The following CTNNA3 variants were observed in gnomAD, a reference collection of about 807,000 sequenced individuals.
The protein encoded by CTNNA3 is catenin alpha 3.
A neutral mutation model predicts 95.7 loss-of-function variants in CTNNA3; 76 were observed. That is an observed-to-expected ratio of 0.79 (90% confidence interval 0.66 to 0.96). The LOEUF is 0.96. CTNNA3 is among the 40% of genes least tolerant of loss of function. CTNNA3 has a pLI of 0.00. For synonymous variants in CTNNA3, 431 were observed against 374.4 expected, an observed-to-expected ratio of 1.15 and a Z score of -1.74; for missense variants, 1,191 against 1,089.8, an observed-to-expected ratio of 1.09 and a Z score of -1.31.
At chr10:66,089,893 G>A (rs767155978) in intron 14 of CTNNA3, among the ~76,000 whole-genome samples, 4 of 151,780 alleles carry the variant, frequency 2.6e-5, no homozygotes, top group Non-Finnish European at 4.4e-5. Flanking sequence ...AAAACCAAGC[G>A]AGTTCTGCAT....
chr10:66,074,612 G>A (rs1405607020), intron 14 of CTNNA3, among the ~76,000 whole-genome samples: 1 of 151,760 alleles, frequency 6.6e-6, no homozygotes, highest in African/African-American at 2.4e-5. Context: ...TATAGTATAT[G>A]CCCCTTTCTC....
chr10:66,822,784 A>C (rs1172378665), intron 7 of CTNNA3, among the ~76,000 whole-genome samples: 2 of 152,214 alleles, frequency 1.3e-5, no homozygotes, highest in African/African-American at 2.4e-5. Flanking sequence ...TCCCTCTGCT[A>C]GTAAGACCTG....
chr10:66,260,902 G>A (rs775546970), intron 13 of CTNNA3, among the ~76,000 whole-genome samples: 13 of 152,152 alleles, frequency 8.5e-5, no homozygotes, highest in African/African-American at 2.4e-4. Flanking sequence ...TAGGCAGTAC[G>A]TGGTGCACAA....
chr10:67,019,050 T>C (rs1852830424), intron 7 of CTNNA3, among the ~76,000 whole-genome samples: 1 of 152,204 alleles, frequency 6.6e-6, no homozygotes, highest in South Asian at 2.1e-4. Flanking sequence ...ACATATCTAA[T>C]GAATACAGTG....
At chr10:66,632,873 T>C (rs982799651) in intron 9 of CTNNA3, among the ~76,000 whole-genome samples, 1 of 152,006 alleles carries the variant, frequency 6.6e-6, no homozygotes, top group Non-Finnish European at 1.5e-5. Context: ...AAAAAGGCCA[T>C]TAAAAATGGA....
intron 14 of CTNNA3, among the ~76,000 whole-genome samples, chr10:66,089,529 T>C (rs1228911672): frequency 6.6e-6 from 1 of 151,898 alleles, no homozygotes; most frequent in African/African-American, 2.4e-5. Flanking sequence ...CTACTCTGGT[T>C]CGCCTTTACC....
At chr10:66,031,186 C>A (rs1425037004) in intron 15 of CTNNA3, among the ~76,000 whole-genome samples, 2 of 152,122 alleles carry the variant, frequency 1.3e-5, no homozygotes, top group African/African-American at 2.4e-5. Context: ...TATAATTTGA[C>A]CCAGCAATCC....
chr10:67,370,686 A>G, intron 5 of CTNNA3, among the ~76,000 whole-genome samples: 1 of 152,112 alleles, frequency 6.6e-6, no homozygotes, highest in Non-Finnish European at 1.5e-5. Context: ...ACTATTTGGT[A>G]TATTTGCTCT....
intron 7 of CTNNA3, among the ~76,000 whole-genome samples, chr10:66,790,836 T>TC: frequency 6.6e-6 from 1 of 152,270 alleles, no homozygotes; most frequent in Admixed American, 6.5e-5. Flanking sequence ...AAAACGTGGA[T>TC]CCCCTCACTG....
At chr10:66,550,310 T>C (rs1842176149) in intron 10 of CTNNA3, among the ~76,000 whole-genome samples, 1 of 152,170 alleles carries the variant, frequency 6.6e-6, no homozygotes, top group Non-Finnish European at 1.5e-5. Flanking sequence ...CTTCAGTCTG[T>C]CTTTATAGAT....
intron 16 of CTNNA3, among the ~76,000 whole-genome samples, chr10:65,968,493 C>G (rs1205575832): frequency 1.3e-5 from 2 of 152,210 alleles, no homozygotes; most frequent in African/African-American, 4.8e-5. Flanking sequence ...GCTCCATACC[C>G]AGGCAGATCT....
chr10:66,692,243 A>G (rs1204150755), intron 9 of CTNNA3, among the ~76,000 whole-genome samples: 3 of 152,208 alleles, frequency 2.0e-5, no homozygotes, highest in African/African-American at 7.2e-5. Context: ...TATAACCACA[A>G]GAACCAATAA....
At chr10:66,631,912 T>A (rs1249555241) in intron 9 of CTNNA3, among the ~76,000 whole-genome samples, 1 of 151,930 alleles carries the variant, frequency 6.6e-6, no homozygotes, top group Non-Finnish European at 1.5e-5. Flanking sequence ...GAATGTGAGA[T>A]GAATAATATA....
At chr10:66,106,135 C>T (rs549127749) in intron 13 of CTNNA3, among the ~76,000 whole-genome samples, 12 of 149,880 alleles carry the variant, frequency 8.0e-5, no homozygotes, top group Admixed American at 7.4e-4. Context: ...TGAATCCAGG[C>T]GGCGGAGGTT....
At chr10:66,434,050 G>A (rs557449321) in intron 11 of CTNNA3, among the ~76,000 whole-genome samples, 1 of 152,262 alleles carries the variant, frequency 6.6e-6, no homozygotes, top group South Asian at 2.1e-4. Context: ...CTGCAGCCTT[G>A]TAGTGTAGTT....
intron 9 of CTNNA3, among the ~76,000 whole-genome samples, chr10:66,629,804 G>A (rs746060470): frequency 2.6e-5 from 4 of 151,966 alleles, no homozygotes; most frequent in Non-Finnish European, 5.9e-5. Context: ...TTCTCTGTTG[G>A]CTGGAATGCT....
intron 5 of CTNNA3, among the ~76,000 whole-genome samples, chr10:67,320,090 C>G (rs998856415): frequency 3.3e-5 from 5 of 151,988 alleles, no homozygotes; most frequent in African/African-American, 1.2e-4. Flanking sequence ...TACACATGAG[C>G]CCTTGATGGA....
intron 7 of CTNNA3, among the ~76,000 whole-genome samples, chr10:66,970,162 G>C (rs888392779): frequency 2.6e-5 from 4 of 152,106 alleles, no homozygotes; most frequent in African/African-American, 7.2e-5. Context: ...CAGACACTTT[G>C]ATTACATGAA....
intron 3 of CTNNA3, among the ~76,000 whole-genome samples, chr10:67,603,626 T>C (rs2133373201): frequency 6.6e-6 from 1 of 151,466 alleles, no homozygotes; most frequent in South Asian, 2.1e-4. Context: ...TAATTAAAAA[T>C]GTAAAAAAGA....
Sources: allele counts gnomAD v4.1 joint callset (sites outside exome capture counted in the v4.1 genomes callset), GRCh38; gene constraint gnomAD v4.1.1; transcripts MANE v1.5; gene names NCBI Gene and HGNC (gene_info 2026-07-23, HGNC 2026-07-21).